The following MVB12B variants were observed in gnomAD, a reference collection of about 807,000 sequenced individuals.
MVB12B encodes the protein ESCRT-I complex subunit MVB12B.
In MVB12B, 16 loss-of-function variants were observed where a neutral mutation model predicts 41.6. The ratio of observed to expected loss-of-function variants is 0.38; its 90% CI spans 0.26 to 0.58. The LOEUF (loss-of-function observed/expected upper bound fraction) is 0.58, where lower values mean the gene tolerates loss of function less well. Ranked by LOEUF, MVB12B falls within the 20% of genes least tolerant of loss-of-function variation. The probability of loss-of-function intolerance (pLI) is 0.62; values close to 1 mark genes in which losing one functional copy is unlikely to be tolerated. For synonymous variants in MVB12B, 133 were observed against 139.7 expected (o/e 0.95, Z 0.34); for missense variants, 274 against 380.2 (o/e 0.72, Z 2.32).
intron 7 of MVB12B, among the ~76,000 whole-genome samples, chr9:126,441,004 G>A (rs979646026): frequency 1.3e-5 from 2 of 152,232 alleles, no homozygotes; most frequent in Non-Finnish European, 2.9e-5. Context: ...TGAATGCGGC[G>A]AGGCCTGGGC....
intron 2 of MVB12B, among the ~76,000 whole-genome samples, chr9:126,357,696 GT>G (rs1412924338): frequency 6.6e-6 from 1 of 151,776 alleles, no homozygotes; most frequent in Non-Finnish European, 1.5e-5. Flanking sequence ...GTCTTATTCA[GT>G]TGAAAGGGTT....
intron 2 of MVB12B, among the ~76,000 whole-genome samples, chr9:126,347,344 T>G (rs557054712): frequency 2.0e-5 from 3 of 152,364 alleles, no homozygotes. Context: ...CACTTCCCCT[T>G]TTTTGCTGCT....
intron 9 of MVB12B, among the ~76,000 whole-genome samples, chr9:126,489,122 C>T (rs896186980): frequency 3.3e-5 from 5 of 152,186 alleles, no homozygotes; most frequent in Non-Finnish European, 7.3e-5. Context: ...CTCCTGGGCC[C>T]GGACAGCCAG....
intron 7 of MVB12B, among the ~76,000 whole-genome samples, chr9:126,437,870 AAAAT>A (rs1483560081): frequency 6.6e-6 from 1 of 152,202 alleles, no homozygotes; most frequent in African/African-American, 2.4e-5. Context: ...AGTTTGGAGT[AAAAT>A]TAAATTTTTT....
rs764708210 is a variant in MVB12B, at chr9:126,344,047, T to TTAA, written c.204+3417_204+3418insTAA. ...TTCCTTGAAAATATACTTTTCTTGG[T>TTAA]AAAAAAAAAAAAAAAAAATAGCAAC... On this transcript the variant is annotated intron_variant, in intron 2 of 9. Coordinates refer to ENST00000361171, the MANE Select transcript of MVB12B (RefSeq NM_033446.3). 4.8e-3 allele frequency among the ~76,000 whole-genome samples: 621 copies of TTAA among 128,792 alleles called. 3 individuals are homozygous for TTAA. Among genetic ancestry groups the TTAA allele is most frequent in the Middle Eastern group, 0.021 (5 of 242 alleles). 84.5% of individuals were successfully genotyped at this position (128,792 alleles called of 152,430 possible). A position where few individuals can be genotyped will look rare whatever the true frequency, so the allele number is the denominator to read the frequency against.
At chr9:126,460,674 G>T (rs1375851756) in intron 7 of MVB12B, among the ~76,000 whole-genome samples, 1 of 152,112 alleles carries the variant, frequency 6.6e-6, no homozygotes, top group Non-Finnish European at 1.5e-5. Context: ...GCATGTTGGG[G>T]AGATGATGCT....
intron 7 of MVB12B, among the ~76,000 whole-genome samples, chr9:126,435,949 C>T (rs1004546287): frequency 6.6e-6 from 1 of 152,190 alleles, no homozygotes; most frequent in African/African-American, 2.4e-5. Flanking sequence ...GAGATCATAC[C>T]TTTTCTTTGG....
intron 1 of MVB12B, 116 bp downstream of exon 1, chr9:126,327,126 C>T: frequency 5.1e-6 from 2 of 390,810 alleles, no homozygotes; most frequent in Non-Finnish European, 6.9e-6. Context: ...GGAGCCGGGC[C>T]GCGCCGAGGC....
intron 7 of MVB12B, among the ~76,000 whole-genome samples, chr9:126,450,337 G>A (rs192435014): frequency 2.0e-3 from 305 of 152,312 alleles, no homozygotes; most frequent in Middle Eastern, 6.8e-3. Flanking sequence ...GACTCTTACC[G>A]CCTGCTCCCA....
At chr9:126,452,253 C>T (rs893144038) in intron 7 of MVB12B, among the ~76,000 whole-genome samples, 3 of 152,206 alleles carry the variant, frequency 2.0e-5, no homozygotes, top group East Asian at 1.9e-4. Flanking sequence ...CTGGTGTTCA[C>T]GTGGAGGCCA....
intron 1 of MVB12B, among the ~76,000 whole-genome samples, chr9:126,336,465 T>C (rs1829278651): frequency 1.3e-5 from 2 of 152,236 alleles, no homozygotes; most frequent in African/African-American, 4.8e-5. Context: ...GTGCCGTCTG[T>C]ATGAAGGGTC....
chr9:126,344,687 A>G (rs565245201), intron 2 of MVB12B, among the ~76,000 whole-genome samples: 1 of 152,338 alleles, frequency 6.6e-6, no homozygotes, highest in East Asian at 1.9e-4. Context: ...TTGTGCTGCC[A>G]TGACGCTATC....
intron 7 of MVB12B, among the ~76,000 whole-genome samples, chr9:126,457,651 G>A (rs143970423): frequency 1.3e-5 from 2 of 152,204 alleles, no homozygotes; most frequent in East Asian, 3.9e-4. Flanking sequence ...GTGAGGATGC[G>A]GTTGCCAGTA....
intron 7 of MVB12B, among the ~76,000 whole-genome samples, chr9:126,430,179 T>G (rs1222418885): frequency 6.6e-6 from 1 of 152,172 alleles, no homozygotes. Flanking sequence ...CTTGGTCCCC[T>G]TGCTCCTCAG....
intron 9 of MVB12B, among the ~76,000 whole-genome samples, chr9:126,487,539 C>T (rs892452984): frequency 2.0e-5 from 3 of 152,196 alleles, no homozygotes; most frequent in African/African-American, 7.2e-5. Context: ...GCAAGCAGAT[C>T]ACCTGAGGTC....
chr9:126,496,552 C>T (rs1433890085), intron 9 of MVB12B, among the ~76,000 whole-genome samples: 1 of 150,244 alleles, frequency 6.7e-6, no homozygotes, highest in Non-Finnish European at 1.5e-5. Context: ...CTGCCCTGAG[C>T]ATGAGGAGGG....
At chr9:126,410,904 T>TC (rs1009825175) in intron 6 of MVB12B, among the ~76,000 whole-genome samples, 1 of 151,012 alleles carries the variant, frequency 6.6e-6, no homozygotes, top group Non-Finnish European at 1.5e-5. Context: ...TTTTTTTTTT[T>TC]TGAGATGGAG....
chr9:126,452,148 G>A (rs1233123963), intron 7 of MVB12B, among the ~76,000 whole-genome samples: 5 of 152,216 alleles, frequency 3.3e-5, no homozygotes, highest in Admixed American at 1.3e-4. Flanking sequence ...ATGTGAGTCC[G>A]TGCCTTCAGC....
chr9:126,451,721 G>C (rs1832891894), intron 7 of MVB12B, among the ~76,000 whole-genome samples: 1 of 152,140 alleles, frequency 6.6e-6, no homozygotes, highest in Non-Finnish European at 1.5e-5. Context: ...AGGCACAAGG[G>C]TCCTGGGTGG....
Sources: gnomAD v4.1 joint callset for allele counts (sites outside exome capture counted in the v4.1 genomes callset) on GRCh38, gnomAD v4.1.1 for gene constraint, MANE v1.5 for transcripts, NCBI Gene and HGNC (gene_info 2026-07-23, HGNC 2026-07-21) for gene names.